LARP1: variants seen among roughly 807,000 people sequenced by gnomAD.
LARP1 encodes La ribonucleoprotein 1, translational regulator, also known as la-related protein 1.
Under a neutral mutation model 122.7 loss-of-function variants are expected in LARP1, and 36 were observed. The observed-to-expected ratio is 0.29, with a 90% CI of 0.22 to 0.39. LARP1 has a LOEUF of 0.39. Among genes scored for constraint, LARP1 ranks in the 10% least tolerant of loss-of-function variants. The pLI is 1.00. For synonymous variants in LARP1, 539 were observed against 528.7 expected (o/e 1.02, Z -0.27); for missense variants, 1,040 against 1,403.6 (o/e 0.74, Z 4.14).
In LARP1 at chr5:154,809,997, C is replaced by T. The variant is rs185249734; in HGVS notation, c.2844-1250C>T. Among the ~76,000 whole-genome samples the T allele has an allele frequency of 1.2e-3, 180 of 152,150 alleles. No individual in the cohort carries two copies. In the Middle Eastern group the frequency reaches 0.017, roughly 14 times the overall value. On this transcript the variant is annotated intron_variant, in intron 16 of 18. Coordinates refer to ENST00000518297, the MANE Select transcript of LARP1 (RefSeq NM_033551.3). ...GCTGGGATTACTTTGTGAGCCACCGCGCCCTGCCTTACTATTAATTTCTAA... is the reference window on the plus strand; with the variant it reads ...GCTGGGATTACTTTGTGAGCCACCGTGCCCTGCCTTACTATTAATTTCTAA...
intron 1 of LARP1, among the ~76,000 whole-genome samples, chr5:154,756,922 T>G (rs932813025): frequency 6.8e-6 from 1 of 147,146 alleles, no homozygotes. Flanking sequence ...GTGAGGCGGG[T>G]GAGGGGCCTG....
At chr5:154,750,971 A>T (rs940463219), upstream of LARP1, among the ~76,000 whole-genome samples, 1 of 152,086 alleles carries the variant, frequency 6.6e-6, no homozygotes, top group Non-Finnish European at 1.5e-5. Context: ...GATCCTTGTC[A>T]CTTTCTGCCT....
chr5:154,795,129 T>C (rs1377842599), intron 7 of LARP1, 46 bp from the exon 8 acceptor site: 3 of 1,592,594 alleles, frequency 1.9e-6, no homozygotes, highest in Non-Finnish European at 2.6e-6. Context: ...CTCATAAAAC[T>C]GATGCACCAA....
intron 1 of LARP1, among the ~76,000 whole-genome samples, chr5:154,731,721 A>G (rs1312605170): frequency 6.6e-6 from 1 of 152,162 alleles, no homozygotes; most frequent in Non-Finnish European, 1.5e-5. Context: ...TGGTAGAGGC[A>G]TTTAAAATAG....
At chr5:154,728,672 G>A (rs1756374039) in intron 1 of LARP1, among the ~76,000 whole-genome samples, 1 of 152,018 alleles carries the variant, frequency 6.6e-6, no homozygotes, top group Non-Finnish European at 1.5e-5. Context: ...ATGGAAAGTT[G>A]AGTATGAAGA....
At chr5:154,717,590 A>C (rs1424561759) in intron 1 of LARP1, among the ~76,000 whole-genome samples, 1 of 152,080 alleles carries the variant, frequency 6.6e-6, no homozygotes, top group Non-Finnish European at 1.5e-5. Flanking sequence ...GGTGTTATTC[A>C]CTCTCTGTCA....
intron 1 of LARP1, among the ~76,000 whole-genome samples, chr5:154,724,077 A>G (rs1314476235): frequency 6.6e-6 from 1 of 152,212 alleles, no homozygotes; most frequent in Non-Finnish European, 1.5e-5. Flanking sequence ...CCAGGAGTGG[A>G]GTGTCCAGCC....
Position 154,813,964 on chromosome 5 carries a change from G to A in LARP1, c.3159G>A (p.Arg1053=). The A allele has an allele frequency of 1.2e-6, 2 of 1,614,016 alleles. No homozygotes were observed. Among genetic ancestry groups the A allele is most frequent in the Non-Finnish European group, 1.7e-6 (2 of 1,179,962 alleles). ...AGGGGGEGRK[R]CPSQSSSRPA... is the part of the protein sequence containing the mutation. ...GTGGCGGCGGTGAGGGCAGGAAGCGGTGCCCCTCCCAGTCTTCCAGCAGGC... is the reference window on the plus strand; with the variant it reads ...GTGGCGGCGGTGAGGGCAGGAAGCGATGCCCCTCCCAGTCTTCCAGCAGGC... The change falls in exon 19 of 19, where the codon CGG becomes CGA. Residue 1053 remains arginine, a synonymous_variant. Transcript: ENST00000518297.
At chr5:154,765,403 C>T (rs1220983281) in intron 1 of LARP1, among the ~76,000 whole-genome samples, 2 of 152,162 alleles carry the variant, frequency 1.3e-5, no homozygotes, top group South Asian at 2.1e-4. Flanking sequence ...TGCCCCCCGC[C>T]GCCCCAAGGC....
At position 154,795,189 on chromosome 5, in the gene LARP1, G is replaced by C; in HGVS notation, c.1247G>C (p.Ser416Thr). 6.2e-7 allele frequency: 1 copy of C among 1,614,012 alleles called. No homozygotes were observed. Among genetic ancestry groups the C allele is most frequent in the Non-Finnish European group, 8.5e-7 (1 of 1,179,884 alleles). The change falls in exon 8 of 19, where the codon AGC (serine) becomes ACC (threonine). Residue 416 changes from serine to threonine, a missense_variant. Physicochemically the swap from Ser to Thr is moderately conservative, Grantham distance 58. Around this residue, in one of 8 missense-constraint regions of LARP1, gnomAD observed 362 missense variants for 533.1 expected, o/e 0.68. Coordinates refer to ENST00000518297, the MANE Select transcript of LARP1 (RefSeq NM_033551.3). ...YIKRQIEYYFSVDNLERDFFL... is the reference protein window; with the variant it reads ...YIKRQIEYYFTVDNLERDFFL... Reference sequence around the variant, plus strand: ...CCTCCACTTAGTGAATACTACTTCAGCGTGGACAATTTAGAGCGAGACTTC... The same window carrying C: ...CCTCCACTTAGTGAATACTACTTCACCGTGGACAATTTAGAGCGAGACTTC...
chr5:154,796,026 A>G (rs1358573628), intron 8 of LARP1, among the ~76,000 whole-genome samples: 1 of 107,242 alleles, frequency 9.3e-6, no homozygotes, highest in East Asian at 2.3e-4. Flanking sequence ...TATATTATAT[A>G]TATTTTTATA....
chr5:154,749,936 G>A (rs996231385), intron 1 of LARP1, among the ~76,000 whole-genome samples: 1 of 152,162 alleles, frequency 6.6e-6, no homozygotes, highest in Non-Finnish European at 1.5e-5. Context: ...CCCTCCAATA[G>A]AATAAAATTT....
intron 1 of LARP1, among the ~76,000 whole-genome samples, chr5:154,695,795 C>T (rs1754444502): frequency 6.6e-6 from 1 of 152,048 alleles, no homozygotes; most frequent in African/African-American, 2.4e-5. Context: ...ATCCCTTGAA[C>T]CCGGGAGGCA....
At chr5:154,687,505 C>A (rs940498465) in intron 1 of LARP1, among the ~76,000 whole-genome samples, 2 of 152,324 alleles carry the variant, frequency 1.3e-5, no homozygotes, top group Non-Finnish European at 2.9e-5. Context: ...CCTCAGCCTC[C>A]CTAGTAGCTG....
chr5:154,691,552 G>A (rs1418226132), intron 1 of LARP1, among the ~76,000 whole-genome samples: 1 of 152,172 alleles, frequency 6.6e-6, no homozygotes, highest in African/African-American at 2.4e-5. Flanking sequence ...CCAGCTTGGG[G>A]TGCCGTTCGT....
At chr5:154,706,298 TAATAATAATA>T (rs1362911424) in intron 1 of LARP1, among the ~76,000 whole-genome samples, 1,772 of 18,514 alleles carry the variant, frequency 0.096, 37 homozygotes, top group African/African-American at 0.17. Flanking sequence ...TGTCTCAAAA[TAATAATAATA>T]ATAATAATAA....
intron 1 of LARP1, among the ~76,000 whole-genome samples, chr5:154,695,922 C>T (rs888202046): frequency 3.9e-5 from 6 of 152,184 alleles, no homozygotes; most frequent in Admixed American, 3.3e-4. Flanking sequence ...CCTCCATACA[C>T]GGAATCACAA....
intron 1 of LARP1, among the ~76,000 whole-genome samples, chr5:154,704,262 T>C (rs962040743): frequency 6.6e-6 from 1 of 152,194 alleles, no homozygotes; most frequent in African/African-American, 2.4e-5. Flanking sequence ...CCTAAGTCCG[T>C]TGACTGTGAG....
At chr5:154,741,394 AGG>A (rs1432480161) in intron 1 of LARP1, among the ~76,000 whole-genome samples, 1 of 152,246 alleles carries the variant, frequency 6.6e-6, no homozygotes, top group Admixed American at 6.5e-5. Context: ...CACGTGCTCC[AGG>A]GTCATGGAGC....
Sources: gnomAD v4.1 joint callset for allele counts (sites outside exome capture counted in the v4.1 genomes callset) on GRCh38, gnomAD v4.1.1 for gene constraint, gnomAD v4.1.1 regional missense constraint, MANE v1.5 for transcripts, NCBI Gene and HGNC (gene_info 2026-07-23, HGNC 2026-07-21) for gene names.